LUZP4: variants seen among roughly 807,000 people sequenced by gnomAD.
LUZP4 encodes the protein HOM-TES-85 tumor antigen.
A neutral mutation model predicts 8.5 loss-of-function variants in LUZP4; 11 were observed. The ratio of observed to expected loss-of-function variants is 1.30; its 90% CI spans 0.82 to 2.14. LUZP4 has a LOEUF of 2.14. Ranked by LOEUF, LUZP4 falls within the 30% of genes most tolerant of loss-of-function variation. The pLI, the probability that LUZP4 is intolerant of heterozygous loss-of-function variation, is 0.00. For synonymous variants in LUZP4, 104 were observed against 79.4 expected (o/e 1.31, Z -1.65); for missense variants, 276 against 229.7 (o/e 1.20, Z -1.30).
Position 115,302,117 on chromosome X carries a change from C to A in LUZP4, c.217C>A (p.Arg73=). 1 of 1,183,308 alleles carries A rather than the reference C, an allele frequency of 8.5e-7. No individual in the cohort carries two copies. The highest frequency in any genetic ancestry group is 1.1e-6 in the Non-Finnish European group (1 of 884,300). The change falls in exon 2 of 4, where the codon CGG becomes AGG. Residue 73 remains arginine, a synonymous_variant. Transcript: ENST00000371920. ...QQSKAHRHRH[R]RGYSRCRSNS... is the part of the protein sequence containing the mutation. ...ATCAAAAGCTCATAGACATCGCCATCGGAGAGGTAAAGTATGCTGAAAATA... is the reference window on the plus strand; with the variant it reads ...ATCAAAAGCTCATAGACATCGCCATAGGAGAGGTAAAGTATGCTGAAAATA...
At position 115,306,389 on chromosome X, in the gene LUZP4, C is replaced by G. The variant is rs1344373456; in HGVS notation, c.527C>G (p.Ser176Cys). ...LERSLSQSDRSQGQLKRHHPQ... is the reference protein window; with the variant it reads ...LERSLSQSDRCQGQLKRHHPQ... ...AGATCTCTTTCTCAGTCAGACAGAT[C>G]TCAAGGGCAGCTAAAGAGACATCAT... is the stretch of plus-strand genomic sequence containing the variant. The change falls in exon 4 of 4, where the codon TCT becomes TGT. Residue 176 changes from serine to cysteine, a missense_variant. Physicochemically the swap from Ser to Cys is moderately radical, Grantham distance 112. Coordinates refer to ENST00000371920, the MANE Select transcript of LUZP4 (RefSeq NM_016383.5). The G allele has an allele frequency of 2.5e-6, 3 of 1,211,364 alleles. No homozygotes were observed. In the South Asian group the frequency reaches 5.3e-5, roughly 21 times the overall value.
rs1004204770 is a variant in LUZP4, at chrX:115,306,147, T to C, written c.343-58T>C. On this transcript the variant is annotated intron_variant, in intron 3 of 3. Transcript: ENST00000371920. ...AAATGGTCTTGAGAATATATCATTA[T>C]GACTTAAATCATGAAGTATATGTTT... is the stretch of plus-strand genomic sequence containing the variant. 2.5e-4 allele frequency: 274 copies of C among 1,106,039 alleles called. 1 individual carries two copies. The highest frequency in any genetic ancestry group is 3.2e-4 in the Non-Finnish European group (267 of 825,127). The allele number at this position is 1,106,039 out of a possible 1,213,427, so 91.2% of individuals were successfully genotyped here. A position where few individuals can be genotyped will look rare whatever the true frequency, so the allele number is the denominator to read the frequency against.
At position 115,306,827 on chromosome X, in the gene LUZP4, T is replaced by C. The variant is rs371768248; in HGVS notation, c.*23T>C. On this transcript the variant is annotated 3_prime_UTR_variant, in exon 4 of 4. Coordinates refer to ENST00000371920, the MANE Select transcript of LUZP4 (RefSeq NM_016383.5). The stretch of plus-strand genomic sequence containing the variant: ...TAATCATCAGAACAATGTGTTGAAT[T>C]CTGTGGAAATAGAAAAGCATATATC... 1.6e-5 allele frequency: 19 copies of C among 1,171,335 alleles called. No individual in the cohort carries two copies. The South Asian group carries it at 3.5e-4, about 21-fold the overall frequency.
chrX:115,291,088 C>T (rs1450717193), intron 1 of LUZP4, among the ~76,000 whole-genome samples: 4 of 109,419 alleles, frequency 3.7e-5, no homozygotes, highest in Admixed American at 9.8e-5. Context: ...CATAAGCCAC[C>T]GCCCCCGGCC....
At chrX:115,291,080 T>C (rs1218658273) in intron 1 of LUZP4, among the ~76,000 whole-genome samples, 1 of 110,917 alleles carries the variant, frequency 9.0e-6, no homozygotes, top group African/African-American at 3.3e-5. Context: ...ATTACAGGCA[T>C]AAGCCACCGC....
chrX:115,300,510 T>C (rs782449578), intron 1 of LUZP4, among the ~76,000 whole-genome samples: 16 of 112,478 alleles, frequency 1.4e-4, no homozygotes, highest in Admixed American at 7.5e-4. Flanking sequence ...TTAGAAAAGC[T>C]TGGCCTAGAC....
chrX:115,303,438 T>A lies in LUZP4; in HGVS notation c.342+20T>A. On this transcript the variant is annotated intron_variant, in intron 3 of 3. Coordinates refer to ENST00000371920, the MANE Select transcript of LUZP4 (RefSeq NM_016383.5). ...GAGCAGGTAGATAAGTACCAAGAAT[T>A]AACCAATATTAAAAATCCTACATTT... 1.2e-6 allele frequency: 1 copy of A among 837,366 alleles called. No individual in the cohort carries two copies. Among genetic ancestry groups the A allele is most frequent in the Non-Finnish European group, 1.7e-6 (1 of 595,348 alleles). 69.0% of individuals were successfully genotyped at this position (837,366 alleles called of 1,213,427 possible). A position where few individuals can be genotyped will look rare whatever the true frequency, so the allele number is the denominator to read the frequency against.
At chrX:115,304,510 CTTTTA>C (rs781956782) in intron 3 of LUZP4, among the ~76,000 whole-genome samples, 1 of 110,993 alleles carries the variant, frequency 9.0e-6, no homozygotes, top group South Asian at 3.8e-4. Flanking sequence ...CATCCTTGTC[CTTTTA>C]TTTATTTATT....
At chrX:115,303,034 A>G (rs1181470385) in intron 2 of LUZP4, among the ~76,000 whole-genome samples, 1 of 111,747 alleles carries the variant, frequency 8.9e-6, no homozygotes, top group African/African-American at 3.3e-5. Flanking sequence ...TTCAGATAGT[A>G]TGTCCCAACT....
At chrX:115,305,632 A>G (rs1556603482) in intron 3 of LUZP4, among the ~76,000 whole-genome samples, 2 of 112,658 alleles carry the variant, frequency 1.8e-5, no homozygotes, top group African/African-American at 6.4e-5. Context: ...AAAATTGAAA[A>G]GGTAGAAAGG....
At chrX:115,296,872 T>C in intron 1 of LUZP4, among the ~76,000 whole-genome samples, 1 of 112,307 alleles carries the variant, frequency 8.9e-6, no homozygotes, top group East Asian at 2.8e-4. Flanking sequence ...TTCACACCTA[T>C]AATCCCAGGA....
At position 115,302,028 on chromosome X, in the gene LUZP4, A is replaced by C. The variant is rs1556601770; in HGVS notation, c.128A>C (p.Asn43Thr). ...IIIYKELEGT[N>T]AEEEKNKRQN... is the part of the protein sequence containing the mutation. ...ATCTATAAAGAGTTAGAAGGGACAAATGCTGAAGAAGAAAAGAATAAAAGA... is the reference window on the plus strand; with the variant it reads ...ATCTATAAAGAGTTAGAAGGGACAACTGCTGAAGAAGAAAAGAATAAAAGA... Residue 43 changes from asparagine (N) to threonine (T), a missense_variant, in exon 2 of 4, where the codon AAT (asparagine) becomes ACT (threonine). Coordinates refer to ENST00000371920, the MANE Select transcript of LUZP4 (RefSeq NM_016383.5). 1 of 1,175,002 alleles carries C rather than the reference A, an allele frequency of 8.5e-7. No homozygotes were observed. Among genetic ancestry groups the C allele is most frequent in the Non-Finnish European group, 1.2e-6 (1 of 867,379 alleles).
intron 1 of LUZP4, among the ~76,000 whole-genome samples, chrX:115,292,439 A>G (rs2073352716): frequency 9.0e-6 from 1 of 111,289 alleles, no homozygotes; most frequent in Non-Finnish European, 1.9e-5. Context: ...CATTGCTGGT[A>G]TATGTACATA....
chrX:115,301,199 A>G (rs1422065253), intron 1 of LUZP4, among the ~76,000 whole-genome samples: 1 of 110,680 alleles, frequency 9.0e-6, no homozygotes, highest in African/African-American at 3.3e-5. Flanking sequence ...TCCTGAGTGT[A>G]GCTTCCAGAA....
chrX:115,291,475 A>G (rs942009687), intron 1 of LUZP4, among the ~76,000 whole-genome samples: 1 of 111,056 alleles, frequency 9.0e-6, no homozygotes, highest in Non-Finnish European at 1.9e-5. Flanking sequence ...GCAGGAGTGG[A>G]GCAAGGAGAA....
intron 1 of LUZP4, among the ~76,000 whole-genome samples, chrX:115,296,807 G>T (rs1209824209): frequency 3.6e-5 from 4 of 111,822 alleles, no homozygotes; most frequent in Non-Finnish European, 3.8e-5. Flanking sequence ...CACATTCCAA[G>T]GTGTGGATAA....
chrX:115,298,319 G>A (rs781865509), intron 1 of LUZP4, among the ~76,000 whole-genome samples: 5 of 112,086 alleles, frequency 4.5e-5, no homozygotes, highest in African/African-American at 9.7e-5. Context: ...CACCTGCCTC[G>A]GCCTCCCAAA....
At chrX:115,297,909 C>G (rs990671092) in intron 1 of LUZP4, among the ~76,000 whole-genome samples, 6 of 107,859 alleles carry the variant, frequency 5.6e-5, no homozygotes, top group Admixed American at 4.0e-4. Context: ...CCCAGGTCCC[C>G]GTTAAGCAAT....
rs181835435 is a variant in LUZP4 at position 115,299,184 on chromosome X, G to C, written c.92-2808G>C. Among the ~76,000 whole-genome samples, 3 of 111,299 alleles carry C rather than the reference G, an allele frequency of 2.7e-5. No individual in the cohort carries two copies. In the East Asian group the frequency reaches 8.6e-4, roughly 32 times the overall value. ...CTGTTCTGAGCCACCCAGAGCTGGG[G>C]TGGAGTGACACAAGCACCCCTGTGG... is the stretch of plus-strand genomic sequence containing the variant. On this transcript the variant is annotated intron_variant, in intron 1 of 3. Transcript: ENST00000371920.
Sources: allele counts gnomAD v4.1 joint callset (sites outside exome capture counted in the v4.1 genomes callset), GRCh38; gene constraint gnomAD v4.1.1; transcripts MANE v1.5; gene names NCBI Gene and HGNC (gene_info 2026-07-23, HGNC 2026-07-21).